RALGAPA1: variants seen among roughly 807,000 people sequenced by gnomAD.
RALGAPA1 encodes Ral GTPase activating protein catalytic subunit alpha 1.
RALGAPA1 carries 52 observed loss-of-function variants against 269.6 expected under a neutral mutation model. That is an observed-to-expected ratio of 0.19 (90% confidence interval 0.15 to 0.24). The LOEUF (loss-of-function observed/expected upper bound fraction) is 0.24, where lower values mean the gene tolerates loss of function less well. Ranked by LOEUF, RALGAPA1 falls within the 10% of genes least tolerant of loss-of-function variation. The pLI, the probability that RALGAPA1 is intolerant of heterozygous loss-of-function variation, is 1.00. For synonymous variants in RALGAPA1, 817 were observed against 1,008.3 expected, an observed-to-expected ratio of 0.81 and a Z score of 3.60; for missense variants, 1,917 against 3,013.9, an observed-to-expected ratio of 0.64 and a Z score of 8.52.
At chr14:35,649,929 G>T (rs2062700976) in intron 31 of RALGAPA1, among the ~76,000 whole-genome samples, 1 of 152,066 alleles carries the variant, frequency 6.6e-6, no homozygotes, top group African/African-American at 2.4e-5. Flanking sequence ...CAAAAACTTA[G>T]AAGTATAGCT....
intron 37 of RALGAPA1, 91 bp downstream of exon 37, chr14:35,595,543 C>T: frequency 8.5e-7 from 1 of 1,174,764 alleles, no homozygotes; most frequent in Non-Finnish European, 1.3e-6. Flanking sequence ...AGAAACAGTG[C>T]TTGATCAATT....
At position 35,570,600 on chromosome 14, in the gene RALGAPA1, C is replaced by T. The variant is rs751824205; in HGVS notation, c.7496+17G>A. The stretch of plus-strand genomic sequence containing the variant: ...ACATACGTTAGAGTAGAAACCATTA[C>T]ATTAAAAAAAGGATACAAGTTTTGA... On this transcript the variant is annotated intron_variant, in intron 39 of 41. Coordinates refer to ENST00000680220, the MANE Select transcript of RALGAPA1 (RefSeq NM_001346249.2). 17 of 1,588,528 alleles carry T rather than the reference C, an allele frequency of 1.1e-5. 2 individuals are homozygous for T. In the South Asian group the frequency reaches 1.9e-4, roughly 17 times the overall value.
In RALGAPA1 at chr14:35,773,129, A is replaced by T. The variant is rs144718530; in HGVS notation, c.267+1877T>A. 2.6e-3 allele frequency among the ~76,000 whole-genome samples: 393 copies of T among 152,320 alleles called. 1 individual carries two copies. Among genetic ancestry groups the T allele is most frequent in the African/African-American group, 8.4e-3 (350 of 41,588 alleles). On this transcript the variant is annotated intron_variant, in intron 3 of 41. Coordinates refer to ENST00000680220, the MANE Select transcript of RALGAPA1 (RefSeq NM_001346249.2). ...TATTCAAAAGCATTTCTAAATTACA[A>T]CTAATAATTATACTTTAGATTTAGC...
intron 22 of RALGAPA1, among the ~76,000 whole-genome samples, chr14:35,674,946 CTACT>C (rs1482261465): frequency 6.6e-6 from 1 of 152,072 alleles, no homozygotes; most frequent in African/African-American, 2.4e-5. Context: ...TATGTAACTA[CTACT>C]CACTCTGCAG....
intron 3 of RALGAPA1, 52 bp downstream of exon 3, chr14:35,774,954 G>C (rs939414242): frequency 9.2e-7 from 1 of 1,085,682 alleles, no homozygotes; most frequent in South Asian, 1.4e-5. Context: ...TCCTTTGTAT[G>C]TTCCAAAAAT....
At chr14:35,775,862 T>C in intron 1 of RALGAPA1, 117 bp from the exon 2 acceptor site, 1 of 1,027,866 alleles carries the variant, frequency 9.7e-7, no homozygotes, top group Non-Finnish European at 1.3e-6. Context: ...TCTATTCTAT[T>C]AAAATATTTA....
At chr14:35,733,012 T>G (rs2070650491) in intron 12 of RALGAPA1, among the ~76,000 whole-genome samples, 1 of 152,144 alleles carries the variant, frequency 6.6e-6, no homozygotes, top group South Asian at 2.1e-4. Flanking sequence ...AAAATGAGCC[T>G]CAATAAATTT....
chr14:35,570,817 T>A (rs1180877114), intron 38 of RALGAPA1, 73 bp from the exon 39 acceptor site: 1 of 1,380,852 alleles, frequency 7.2e-7, no homozygotes. Context: ...ATCAAGACAC[T>A]TTGCATCCAA....
intron 1 of RALGAPA1, 104 bp downstream of exon 1, chr14:35,808,626 C>G (rs1249443898): frequency 7.9e-7 from 1 of 1,272,198 alleles, no homozygotes. Context: ...ACGATTTGCC[C>G]TCTCCTGCAC....
intron 31 of RALGAPA1, among the ~76,000 whole-genome samples, chr14:35,638,558 A>G (rs1029685447): frequency 6.6e-6 from 1 of 152,194 alleles, no homozygotes; most frequent in Admixed American, 6.5e-5. Flanking sequence ...AAGGAAGGAA[A>G]GAAGGATGAG....
In RALGAPA1 at chr14:35,670,694, G is replaced by A. The variant is rs534787095; in HGVS notation, c.5202+695C>T. Among the ~76,000 whole-genome samples, 17 of 152,306 alleles carry A rather than the reference G, an allele frequency of 1.1e-4. No individual in the cohort carries two copies. The South Asian group carries it at 3.5e-3, about 32-fold the overall frequency. On this transcript the variant is annotated intron_variant, in intron 26 of 41. Coordinates refer to ENST00000680220, the MANE Select transcript of RALGAPA1 (RefSeq NM_001346249.2). The stretch of plus-strand genomic sequence containing the variant: ...AATCCCAGCACTTTGGGAGGCTGAG[G>A]CGGGCAGATCACAAGGTCAGGAGTT...
chr14:35,696,586 C>T (rs527324117), intron 17 of RALGAPA1, among the ~76,000 whole-genome samples: 2 of 147,204 alleles, frequency 1.4e-5, no homozygotes, highest in Non-Finnish European at 3.0e-5. Context: ...ATGGTCCTTT[C>T]TCATAGATTT....
chr14:35,612,625 G>A (rs1213615548), intron 35 of RALGAPA1, among the ~76,000 whole-genome samples: 16 of 149,936 alleles, frequency 1.1e-4, no homozygotes, highest in Non-Finnish European at 2.1e-4. Context: ...TGCAAGCTCC[G>A]CTTCCCAGGT....
Position 35,688,939 on chromosome 14 carries a change from T to C in RALGAPA1, c.3472A>G (p.Thr1158Ala), listed in dbSNP as rs1034894387. The change falls in exon 18 of 42, where the codon ACT (threonine) becomes GCT (alanine). Residue 1158 changes from threonine to alanine, a missense_variant. By Grantham distance (58) the Thr-to-Ala change is moderately conservative. Transcript: ENST00000680220. The part of the protein sequence containing the change: ...NSVHVTFRPS[T>A]ESVQFYNPLE... Reference sequence around the variant, plus strand: ...GGATTATAAAACTGAACGGACTCAGTGGATGGCCTAAAAGTAACATGAACA... The same window carrying C: ...GGATTATAAAACTGAACGGACTCAGCGGATGGCCTAAAAGTAACATGAACA... 1 of 1,247,452 alleles carries C rather than the reference T, an allele frequency of 8.0e-7. No homozygotes were observed. 77.3% of individuals were successfully genotyped at this position (1,247,452 alleles called of 1,614,324 possible). A position where few individuals can be genotyped will look rare whatever the true frequency, so the allele number is the denominator to read the frequency against.
At chr14:35,588,058 C>A (rs2058414894) in intron 37 of RALGAPA1, among the ~76,000 whole-genome samples, 1 of 152,092 alleles carries the variant, frequency 6.6e-6, no homozygotes, top group Non-Finnish European at 1.5e-5. Context: ...AGGCACGTGC[C>A]ACCACGCCCA....
intron 39 of RALGAPA1, among the ~76,000 whole-genome samples, chr14:35,552,000 T>C (rs1053450875): frequency 3.2e-4 from 48 of 152,274 alleles, no homozygotes; most frequent in Admixed American, 2.6e-3. Context: ...ATTAGGTAAG[T>C]TTCCTTTTTG....
In RALGAPA1 at chr14:35,776,179, G is replaced by A. The variant is rs527387616; in HGVS notation, c.107-434C>T. 2.2e-3 allele frequency among the ~76,000 whole-genome samples: 330 copies of A among 152,176 alleles called. 7 individuals carry two copies. Among genetic ancestry groups the A allele is most frequent in the South Asian group, 2.3e-3 (11 of 4,816 alleles). On this transcript the variant is annotated intron_variant, in intron 1 of 41. Coordinates refer to ENST00000680220, the MANE Select transcript of RALGAPA1 (RefSeq NM_001346249.2). ...GGCAGATACCTGAGGTCAGGAGTTC[G>A]AAACCAGCCTGGCCAACACAGTGAA...
intron 27 of RALGAPA1, among the ~76,000 whole-genome samples, chr14:35,662,308 T>C (rs1002965321): frequency 6.6e-6 from 1 of 152,040 alleles, no homozygotes; most frequent in Non-Finnish European, 1.5e-5. Flanking sequence ...TAGGAGAAAA[T>C]AGTTTTTCCA....
At chr14:35,542,298 C>T (rs947275460) in intron 41 of RALGAPA1, 24 of 279,206 alleles carry the variant, frequency 8.6e-5, no homozygotes, top group South Asian at 3.9e-4. Context: ...ATGTAGTTAG[C>T]GGCTTCCACA....
Sources: gnomAD v4.1 joint callset for allele counts (sites outside exome capture counted in the v4.1 genomes callset) on GRCh38, gnomAD v4.1.1 for gene constraint, MANE v1.5 for transcripts, NCBI Gene and HGNC (gene_info 2026-07-23, HGNC 2026-07-21) for gene names.